Variants in MBD5 observed in about 807,000 individuals in gnomAD.
MBD5 encodes methyl-CpG binding domain protein 5, also known as methyl-CpG-binding domain protein 5.
MBD5 carries 13 observed loss-of-function variants against 117.3 expected under a neutral mutation model. The ratio of observed to expected loss-of-function variants is 0.11; its 90% CI spans 0.07 to 0.18. MBD5 has a LOEUF of 0.18. MBD5 is among the 10% of genes least tolerant of loss of function. MBD5 has a pLI of 1.00. For missense variants in MBD5, 1,879 were observed against 2,093.8 expected (o/e 0.90, Z 2.00); for synonymous variants, 727 against 766.4 (o/e 0.95, Z 0.85).
chr2:148,478,870 A>C (rs1224742554), intron 8 of MBD5, among the ~76,000 whole-genome samples: 1 of 152,206 alleles, frequency 6.6e-6, no homozygotes. Context: ...ACACGTAATG[A>C]ATAATTTGCT....
chr2:148,444,164 G>C (rs1390364820), intron 4 of MBD5, among the ~76,000 whole-genome samples: 2 of 151,356 alleles, frequency 1.3e-5, no homozygotes, highest in African/African-American at 2.5e-5. Flanking sequence ...AATAACTTTA[G>C]CATCATAGCC....
chr2:148,260,548 A>G (rs1199823897), intron 3 of MBD5: 1 of 187,678 alleles, frequency 5.3e-6, no homozygotes, highest in Non-Finnish European at 1.2e-5. Flanking sequence ...CTTCCCATGA[A>G]TCAAGAATAT....
At chr2:148,423,811 A>T (rs542088039) in intron 4 of MBD5, among the ~76,000 whole-genome samples, 1 of 152,286 alleles carries the variant, frequency 6.6e-6, no homozygotes, top group South Asian at 2.1e-4. Context: ...GGCCCAGCTC[A>T]TGTTCAAGGA....
In MBD5 at chr2:148,470,037, C is replaced by T. The variant is rs1455865343; in HGVS notation, c.2094C>T (p.Ile698=). Residue 698 remains isoleucine, a synonymous_variant, in exon 8 of 14, where the codon ATC becomes ATT. Transcript: ENST00000642680. The stretch of plus-strand genomic sequence containing the variant: ...AGCAGGGTCAGGGTTCATTTCCCAT[C>T]AGTTCAATGTCTCAGTTACTACAGT... ...LRKQGQGSFP[I]SSMSQLLQSM... 6.2e-7 allele frequency: 1 copy of T among 1,613,880 alleles called. No homozygotes were observed. Among genetic ancestry groups the T allele is most frequent in the Non-Finnish European group, 8.5e-7 (1 of 1,179,874 alleles).
At chr2:148,159,281 A>G (rs1000915096) in intron 1 of MBD5, among the ~76,000 whole-genome samples, 14 of 151,996 alleles carry the variant, frequency 9.2e-5, no homozygotes, top group African/African-American at 3.4e-4. Flanking sequence ...TTTGCAGATA[A>G]GTTGTCTTCT....
At chr2:148,251,024 T>G (rs186552382) in intron 3 of MBD5, among the ~76,000 whole-genome samples, 153 of 152,272 alleles carry the variant, frequency 1.0e-3, no homozygotes, top group Admixed American at 5.6e-3. Flanking sequence ...TTTTGCTTTT[T>G]TTATTTTTTA....
At chr2:148,118,515 G>A (rs926876791) in intron 1 of MBD5, among the ~76,000 whole-genome samples, 6 of 151,538 alleles carry the variant, frequency 4.0e-5, no homozygotes, top group Non-Finnish European at 5.9e-5. Flanking sequence ...AGGCTCAGGC[G>A]GGAGAATCTC....
chr2:148,173,729 T>A (rs530292568), intron 1 of MBD5, among the ~76,000 whole-genome samples: 1 of 152,172 alleles, frequency 6.6e-6, no homozygotes, highest in African/African-American at 2.4e-5. Flanking sequence ...CATAAATAAA[T>A]AAATAAATCT....
At chr2:148,228,829 TAG>T (rs1699906889) in intron 2 of MBD5, among the ~76,000 whole-genome samples, 1 of 152,256 alleles carries the variant, frequency 6.6e-6, no homozygotes, top group African/African-American at 2.4e-5. Flanking sequence ...CTTCCTGGTT[TAG>T]TCTTGGGAGA....
chr2:148,129,603 T>C (rs942317208), intron 1 of MBD5, among the ~76,000 whole-genome samples: 2 of 152,326 alleles, frequency 1.3e-5, no homozygotes, highest in East Asian at 3.9e-4. Context: ...AGGTTGTCAC[T>C]ATATTGAAAG....
intron 2 of MBD5, among the ~76,000 whole-genome samples, chr2:148,180,266 A>C (rs1200211928): frequency 6.7e-6 from 1 of 148,296 alleles, no homozygotes; most frequent in East Asian, 2.0e-4. Flanking sequence ...TCTGAATTAT[A>C]ATGATTAGAT....
intron 3 of MBD5, among the ~76,000 whole-genome samples, chr2:148,259,331 G>T (rs530832822): frequency 3.3e-5 from 5 of 152,096 alleles, no homozygotes; most frequent in African/African-American, 1.2e-4. Flanking sequence ...GCAAAGACTC[G>T]TTCATTCTCA....
chr2:148,237,198 TATC>T lies in MBD5; in HGVS notation c.-680+3806_-680+3808del, dbSNP rs1700109243. ...CAGCAACAAGGCTGTTTTTCTTTCT[TATC>T]ATTCATGTATTCACCATAGTAGCAC... On this transcript the variant is annotated intron_variant, in intron 3 of 13. Coordinates refer to ENST00000642680, the MANE Select transcript of MBD5 (RefSeq NM_001378120.1). Among the ~76,000 whole-genome samples, 5 of 152,384 alleles carry T rather than the reference TATC, an allele frequency of 3.3e-5. 1 individual carries two copies. In the South Asian group the frequency reaches 1.0e-3, roughly 32 times the overall value.
At position 148,410,146 on chromosome 2, in the gene MBD5, T is replaced by G. The variant is rs542441202; in HGVS notation, c.-556-48057T>G. On this transcript the variant is annotated intron_variant, in intron 4 of 13. Coordinates refer to ENST00000642680, the MANE Select transcript of MBD5 (RefSeq NM_001378120.1). ...ACCTTCCCAGAAGAATATAACAGTT[T>G]GTCCTTTTACCAGTGGTTTATAACA... is the stretch of plus-strand genomic sequence containing the variant. 3.9e-5 allele frequency among the ~76,000 whole-genome samples: 6 copies of G among 152,314 alleles called. No homozygotes were observed. In the South Asian group the frequency reaches 1.2e-3, roughly 32 times the overall value.
intron 3 of MBD5, among the ~76,000 whole-genome samples, chr2:148,318,952 G>A (rs890885310): frequency 6.6e-6 from 1 of 152,152 alleles, no homozygotes; most frequent in African/African-American, 2.4e-5. Context: ...CTGGCCTCAA[G>A]TGATCTGCTA....
At chr2:148,234,009 TG>T (rs1443142234) in intron 3 of MBD5, among the ~76,000 whole-genome samples, 1 of 152,138 alleles carries the variant, frequency 6.6e-6, no homozygotes, top group Admixed American at 6.5e-5. Flanking sequence ...GCAAGGATTG[TG>T]GACCACAATG....
chr2:148,092,648 A>G (rs960181846), intron 1 of MBD5, among the ~76,000 whole-genome samples: 1 of 152,080 alleles, frequency 6.6e-6, no homozygotes, highest in Non-Finnish European at 1.5e-5. Flanking sequence ...AATATAATGG[A>G]CTTTGGGTAC....
At chr2:148,279,611 T>C (rs1701194746) in intron 3 of MBD5, among the ~76,000 whole-genome samples, 1 of 152,248 alleles carries the variant, frequency 6.6e-6, no homozygotes, top group South Asian at 2.1e-4. Flanking sequence ...ACTTTTCTTT[T>C]GGCAAGTTTT....
chr2:148,219,125 T>C (rs1699623770), intron 2 of MBD5, among the ~76,000 whole-genome samples: 1 of 152,220 alleles, frequency 6.6e-6, no homozygotes, highest in South Asian at 2.1e-4. Flanking sequence ...TTTATCCTTA[T>C]CCTATAAGCT....
Sources: allele counts gnomAD v4.1 joint callset (sites outside exome capture counted in the v4.1 genomes callset), GRCh38; gene constraint gnomAD v4.1.1; transcripts MANE v1.5; gene names NCBI Gene and HGNC (gene_info 2026-07-23, HGNC 2026-07-21).